The following AKAP8L variants were observed in gnomAD, a reference collection of about 807,000 sequenced individuals.
AKAP8L encodes the protein A-kinase anchoring protein 8 like.
In AKAP8L, 34 loss-of-function variants were observed where a neutral mutation model predicts 77.5. That is an observed-to-expected ratio of 0.44 (90% confidence interval 0.33 to 0.58). The LOEUF is 0.58. AKAP8L is among the 20% of genes least tolerant of loss of function. AKAP8L has a pLI of 0.02. For synonymous variants in AKAP8L, 342 were observed against 340.7 expected, an observed-to-expected ratio of 1.00 and a Z score of -0.04; for missense variants, 806 against 887.6, an observed-to-expected ratio of 0.91 and a Z score of 1.17.
intron 1 of AKAP8L, among the ~76,000 whole-genome samples, chr19:15,414,342 C>T (rs1968163213): frequency 6.6e-6 from 1 of 152,146 alleles, no homozygotes; most frequent in South Asian, 2.1e-4. Context: ...CAGGCGTGAG[C>T]CACCACGCCC....
In AKAP8L at chr19:15,399,612, G is replaced by A. The variant is rs916289594; in HGVS notation, c.1049-202C>T. 2 of 589,132 alleles carry A rather than the reference G, an allele frequency of 3.4e-6. No individual in the cohort carries two copies. The highest frequency in any genetic ancestry group is 4.4e-4 in the Middle Eastern group (1 of 2,290). 36.5% of individuals were successfully genotyped at this position (589,132 alleles called of 1,614,324 possible). ...TTGGCCTAGGCCCCAAGGAGTGGGG[G>A]CCAGGCGATGACCCCTCCACTCTCC... On this transcript the variant is annotated intron_variant, in intron 8 of 13. Transcript: ENST00000397410. This position sits in a 1 kb window ranked among gnomAD's most constrained non-coding sequence, Gnocchi z 6.1.
chr19:15,407,361 A>G (rs1176919294), intron 2 of AKAP8L, among the ~76,000 whole-genome samples: 1 of 152,244 alleles, frequency 6.6e-6, no homozygotes, highest in African/African-American at 2.4e-5. Flanking sequence ...TTAATATGGT[A>G]GGATCTTGGT....
chr19:15,408,335 C>T (rs1209635237), intron 2 of AKAP8L, among the ~76,000 whole-genome samples: 1 of 152,200 alleles, frequency 6.6e-6, no homozygotes, highest in South Asian at 2.1e-4. Flanking sequence ...GAGGCCAAGG[C>T]GGGTGGATCA....
rs148314783 is a variant in AKAP8L at position 15,409,085 on chromosome 19, T to C, written c.88+1435A>G. ...CTAAAAGAAAATTCTAAAGAAAATA[T>C]TACAGATTTCTTAGATATAAAAGCA... On this transcript the variant is annotated intron_variant, in intron 2 of 13. Transcript: ENST00000397410. Among the ~76,000 whole-genome samples, 1,274 of 152,110 alleles carry C rather than the reference T, an allele frequency of 8.4e-3. 13 individuals carry two copies. Among genetic ancestry groups the C allele is most frequent in the South Asian group, 0.011 (52 of 4,822 alleles).
chr19:15,380,465 G>T, intron 13 of AKAP8L, 35 bp from the exon 14 acceptor site: 1 of 1,612,276 alleles, frequency 6.2e-7, no homozygotes, highest in Non-Finnish European at 8.5e-7. Context: ...AAGGGAGGGA[G>T]CACAGGCGGG....
intron 1 of AKAP8L, among the ~76,000 whole-genome samples, chr19:15,414,162 T>C (rs1299422235): frequency 6.7e-6 from 1 of 148,786 alleles, no homozygotes; most frequent in Non-Finnish European, 1.5e-5. Flanking sequence ...CTTCCCAGGC[T>C]CAAGCGATTC....
chr19:15,401,669 C>T lies in AKAP8L; in HGVS notation c.363-66G>A. On this transcript the variant is annotated intron_variant, in intron 4 of 13. Transcript: ENST00000397410. The surrounding 1 kb of genome is among the most constrained non-coding windows in gnomAD (Gnocchi z 6.2). The stretch of plus-strand genomic sequence containing the variant: ...GATCCCTCACCTCCAGGCAACTGCT[C>T]CTGCCCTCCCCAATCTCCCAGTCCA... 7.7e-7 allele frequency: 1 copy of T among 1,293,444 alleles called. No homozygotes were observed. Among genetic ancestry groups the T allele is most frequent in the Non-Finnish European group, 1.1e-6 (1 of 947,940 alleles). 80.1% of individuals were successfully genotyped at this position (1,293,444 alleles called of 1,614,324 possible).
intron 1 of AKAP8L, among the ~76,000 whole-genome samples, chr19:15,418,704 G>GCC (rs1404497674): frequency 6.6e-6 from 1 of 152,240 alleles, no homozygotes; most frequent in Non-Finnish European, 1.5e-5. Flanking sequence ...GCGGCCGGGA[G>GCC]CCGGGACGCC....
chr19:15,385,636 G>A (rs903191948), intron 12 of AKAP8L, among the ~76,000 whole-genome samples: 1 of 151,924 alleles, frequency 6.6e-6, no homozygotes, highest in African/African-American at 2.4e-5. Flanking sequence ...GTCTTGCTCT[G>A]TTGCCCCGGC....
At chr19:15,381,316 C>T (rs1967410944) in intron 12 of AKAP8L, 1 of 152,350 alleles carries the variant, frequency 6.6e-6, no homozygotes, top group South Asian at 2.1e-4. Flanking sequence ...ATAAATCGTA[C>T]ATTCAAAAGA....
chr19:15,386,037 A>T (rs910668990), intron 12 of AKAP8L, among the ~76,000 whole-genome samples: 4 of 151,294 alleles, frequency 2.6e-5, no homozygotes, highest in Non-Finnish European at 5.9e-5. Context: ...CAGCCTCTCG[A>T]GTAGCTGGGA....
chr19:15,387,815 C>T (rs566839949), intron 12 of AKAP8L, among the ~76,000 whole-genome samples: 25 of 152,178 alleles, frequency 1.6e-4, no homozygotes, highest in African/African-American at 2.4e-4. Flanking sequence ...AAAAATTAGC[C>T]GGGCGTGGTA....
At chr19:15,392,679 C>T (rs1967687043) in intron 12 of AKAP8L, among the ~76,000 whole-genome samples, 1 of 151,326 alleles carries the variant, frequency 6.6e-6, no homozygotes, top group African/African-American at 2.4e-5. Context: ...GGTGGATCCC[C>T]CAAGGTCAGG....
chr19:15,401,591 A>T lies in AKAP8L; in HGVS notation c.375T>A (p.Tyr125Ter). 6.3e-7 allele frequency: 1 copy of T among 1,595,696 alleles called. No individual in the cohort carries two copies. The highest frequency in any genetic ancestry group is 8.5e-7 in the Non-Finnish European group (1 of 1,172,194). The change falls in exon 5 of 14, where the codon TAT becomes TAA. Residue 125 changes from tyrosine to a stop codon, truncating the protein, a stop_gained. Coordinates refer to ENST00000397410, the MANE Select transcript of AKAP8L (RefSeq NM_014371.4). LOFTEE classifies it high-confidence loss of function. This position sits in a 1 kb window ranked among gnomAD's most constrained non-coding sequence, Gnocchi z 6.2. ...GGACGGCCCTCGAGTCGCAGGACTC[A>T]TAAGAGTCATACCTGCAGAGGCATG... Reference protein sequence around the residue: ...YGSGGERYDSYESCDSRAVLS... With the variant: ...YGSGGERYDS
Position 15,403,642 on chromosome 19 carries a change from AG to A in AKAP8L, c.194del (p.Thr65IlefsTer35). The stretch of plus-strand genomic sequence containing the variant: ...AGCTAGGCATTTCCCAAGAGTGTGA[AG>A]TGGCCATACCATACCCATAGTTGGT... ...NTTNYGYGMA[T>X]SHSWEMPSSD... On this transcript the variant is annotated frameshift_variant, in exon 4 of 14. Transcript: ENST00000397410. LOFTEE classifies it high-confidence loss of function. The surrounding 1 kb of genome is among the most constrained non-coding windows in gnomAD (Gnocchi z 4.3). 1 of 1,613,878 alleles carries A rather than the reference AG, an allele frequency of 6.2e-7. No individual in the cohort carries two copies. The highest frequency in any genetic ancestry group is 8.5e-7 in the Non-Finnish European group (1 of 1,179,810).
chr19:15,401,730 C>G lies in AKAP8L; in HGVS notation c.363-127G>C. On this transcript the variant is annotated intron_variant, in intron 4 of 13. Transcript: ENST00000397410. The surrounding 1 kb of genome is among the most constrained non-coding windows in gnomAD (Gnocchi z 6.2). ...TGCCCTGGTTGGGAGGCTCAATGTT[C>G]AGAAATGCCGATTAAAGAGTTCCAG... The G allele has an allele frequency of 1.4e-6, 1 of 737,134 alleles. No individual in the cohort carries two copies. The highest frequency in any genetic ancestry group is 2.2e-6 in the Non-Finnish European group (1 of 462,272). 45.7% of individuals were successfully genotyped at this position (737,134 alleles called of 1,614,324 possible). A position where few individuals can be genotyped will look rare whatever the true frequency, so the allele number is the denominator to read the frequency against.
intron 12 of AKAP8L, among the ~76,000 whole-genome samples, chr19:15,390,069 C>A (rs1967628799): frequency 6.6e-6 from 1 of 151,736 alleles, no homozygotes; most frequent in South Asian, 2.1e-4. Flanking sequence ...CCCAGACTAT[C>A]TGAATATACC....
intron 12 of AKAP8L, among the ~76,000 whole-genome samples, chr19:15,385,000 C>T (rs1385820037): frequency 8.2e-5 from 12 of 147,000 alleles, no homozygotes; most frequent in Non-Finnish European, 1.2e-4. Flanking sequence ...TTTTTTGAGA[C>T]GGAGTCTCGC....
chr19:15,385,167 C>T (rs1427621778), intron 12 of AKAP8L, among the ~76,000 whole-genome samples: 8 of 151,470 alleles, frequency 5.3e-5, no homozygotes, highest in South Asian at 2.1e-4. Context: ...TTAGTAGAGA[C>T]GGGGTTTCAC....
Sources: gnomAD v4.1 joint callset for allele counts (sites outside exome capture counted in the v4.1 genomes callset) on GRCh38, gnomAD v4.1.1 for gene constraint, Gnocchi (gnomAD v3.1) non-coding constraint, MANE v1.5 for transcripts, NCBI Gene and HGNC (gene_info 2026-07-23, HGNC 2026-07-21) for gene names.